SLCO3A1: variants seen among roughly 807,000 people sequenced by gnomAD.
SLCO3A1 encodes PGE1 transporter.
Under a neutral mutation model 63.1 loss-of-function variants are expected in SLCO3A1, and 27 were observed. The ratio of observed to expected loss-of-function variants is 0.43; its 90% confidence interval spans 0.32 to 0.59. The LOEUF (loss-of-function observed/expected upper bound fraction) is 0.59, where lower values mean the gene tolerates loss of function less well. Among genes scored for constraint, SLCO3A1 ranks in the 20% least tolerant of loss-of-function variants. The pLI is 0.09. For synonymous variants in SLCO3A1, 473 were observed against 409.9 expected, an observed-to-expected ratio of 1.15 and a Z score of -1.86; for missense variants, 773 against 945.8, an observed-to-expected ratio of 0.82 and a Z score of 2.40.
intron 3 of SLCO3A1, among the ~76,000 whole-genome samples, chr15:92,097,725 CGGAGGCACCG>C (rs1334821544): frequency 6.6e-6 from 1 of 151,964 alleles, no homozygotes; most frequent in Non-Finnish European, 1.5e-5. Context: ...GCGTCCTTCC[CGGAGGCACCG>C]TGAGGCACCG....
intron 2 of SLCO3A1, among the ~76,000 whole-genome samples, chr15:91,939,211 T>C (rs957244820): frequency 1.3e-5 from 2 of 152,024 alleles, no homozygotes; most frequent in South Asian, 2.1e-4. Context: ...GCACGTCAAA[T>C]GGCCAAAACA....
At chr15:92,022,204 T>C in intron 2 of SLCO3A1, among the ~76,000 whole-genome samples, 1 of 152,208 alleles carries the variant, frequency 6.6e-6, no homozygotes, top group East Asian at 1.9e-4. Flanking sequence ...ATATTTAGAG[T>C]TGCATTTTTT....
In SLCO3A1 at chr15:92,164,868, C is replaced by G; in HGVS notation, c.*1733C>G. 1 of 985,400 alleles carries G rather than the reference C, an allele frequency of 1.0e-6. No individual in the cohort carries two copies. Among genetic ancestry groups the G allele is most frequent in the East Asian group, 1.1e-4 (1 of 8,812 alleles). 61.0% of individuals were successfully genotyped at this position (985,400 alleles called of 1,614,324 possible). A position where few individuals can be genotyped will look rare whatever the true frequency, so the allele number is the denominator to read the frequency against. ...CAGAGCTTAGGTAAAGGCACACACTCATACACACACAACAAAGGGCCCTGC... is the reference window on the plus strand; with the variant it reads ...CAGAGCTTAGGTAAAGGCACACACTGATACACACACAACAAAGGGCCCTGC... On this transcript the variant is annotated 3_prime_UTR_variant, in exon 10 of 10. Transcript: ENST00000318445.
At chr15:91,962,912 A>T (rs1900503751) in intron 2 of SLCO3A1, among the ~76,000 whole-genome samples, 1 of 152,072 alleles carries the variant, frequency 6.6e-6, no homozygotes, top group South Asian at 2.1e-4. Flanking sequence ...TCCAGAGCTT[A>T]TATACTTTCT....
At position 92,107,239 on chromosome 15, in the gene SLCO3A1, G is replaced by A. The variant is rs117178697; in HGVS notation, c.1009+2697G>A. ...TCCCAGAGGCAATTGGCCCATAATG[G>A]ACTAAAAGGATGTCTCAACAGGAAA... On this transcript the variant is annotated intron_variant, in intron 4 of 9. Transcript: ENST00000318445. Among the ~76,000 whole-genome samples, 785 of 152,284 alleles carry A rather than the reference G, an allele frequency of 5.2e-3. 7 individuals carry two copies. In the Middle Eastern group the frequency reaches 0.071, roughly 14 times the overall value.
intron 2 of SLCO3A1, among the ~76,000 whole-genome samples, chr15:92,003,299 C>G (rs2046276774): frequency 6.6e-6 from 1 of 152,352 alleles, no homozygotes; most frequent in South Asian, 2.1e-4. Flanking sequence ...TGGTTGAACA[C>G]TGACTTGCTG....
chr15:92,028,338 C>T (rs1434669092), intron 2 of SLCO3A1, among the ~76,000 whole-genome samples: 1 of 152,156 alleles, frequency 6.6e-6, no homozygotes, highest in African/African-American at 2.4e-5. Flanking sequence ...CCAAAATCTG[C>T]CCCCCACCCT....
At chr15:91,868,419 G>A (rs1241437731) in intron 1 of SLCO3A1, among the ~76,000 whole-genome samples, 1 of 144,316 alleles carries the variant, frequency 6.9e-6, no homozygotes. Context: ...AGGAATATAT[G>A]TGGTGTTGAC....
rs181434594 is a variant in SLCO3A1 at position 92,042,207 on chromosome 15, T to C, written c.647-52674T>C. On this transcript the variant is annotated intron_variant, in intron 2 of 9. Transcript: ENST00000318445. ...TCCTTGAGTAAACACTTTTACTCTT[T>C]CTTTTTACTGCTACCATTTAACATT... Among the ~76,000 whole-genome samples, 445 of 152,348 alleles carry C rather than the reference T, an allele frequency of 2.9e-3. 1 individual carries two copies. The Middle Eastern group carries it at 0.065, about 22-fold the overall frequency.
intron 2 of SLCO3A1, among the ~76,000 whole-genome samples, chr15:91,965,223 C>A (rs1423682757): frequency 6.6e-6 from 1 of 152,154 alleles, no homozygotes; most frequent in Admixed American, 6.5e-5. Flanking sequence ...CATATGCAGA[C>A]CCCTCTCCCA....
intron 2 of SLCO3A1, among the ~76,000 whole-genome samples, chr15:92,069,327 A>G (rs1408589890): frequency 2.0e-5 from 3 of 152,198 alleles, no homozygotes; most frequent in Non-Finnish European, 4.4e-5. Context: ...ACCAATCCAG[A>G]TAGATACGCA....
intron 1 of SLCO3A1, among the ~76,000 whole-genome samples, chr15:91,906,481 A>G (rs1353391992): frequency 6.6e-6 from 1 of 152,224 alleles, no homozygotes; most frequent in Non-Finnish European, 1.5e-5. Flanking sequence ...TTTTCAATGC[A>G]TTTGACAGGA....
intron 2 of SLCO3A1, among the ~76,000 whole-genome samples, chr15:91,958,480 G>T (rs1248560232): frequency 1.3e-5 from 2 of 152,200 alleles, no homozygotes; most frequent in Non-Finnish European, 2.9e-5. Flanking sequence ...GTAATGCTGG[G>T]CAAGTTAACT....
At position 91,865,742 on chromosome 15, in the gene SLCO3A1, A is replaced by G. The variant is rs1045335746; in HGVS notation, c.180+11654A>G. Among the ~76,000 whole-genome samples the G allele has an allele frequency of 1.3e-5, 2 of 152,218 alleles. No homozygotes were observed. Among genetic ancestry groups the G allele is most frequent in the Non-Finnish European group, 2.9e-5 (2 of 68,044 alleles). On this transcript the variant is annotated intron_variant, in intron 1 of 9. Coordinates refer to ENST00000318445, the MANE Select transcript of SLCO3A1 (RefSeq NM_013272.4). The surrounding 1 kb of genome is among the most constrained non-coding windows in gnomAD (Gnocchi z 4.6). ...GTCACATTGGATTAGGGCTCACCCTAATGACCTCATGTGACTAGCTTACAT... is the reference window on the plus strand; with the variant it reads ...GTCACATTGGATTAGGGCTCACCCTGATGACCTCATGTGACTAGCTTACAT...
At chr15:91,966,011 A>C (rs1331541627) in intron 2 of SLCO3A1, among the ~76,000 whole-genome samples, 1 of 152,024 alleles carries the variant, frequency 6.6e-6, no homozygotes, top group African/African-American at 2.4e-5. Context: ...GAACTGGTGT[A>C]TTTCATCCCC....
chr15:91,951,680 C>T (rs1900005649), intron 2 of SLCO3A1, among the ~76,000 whole-genome samples: 1 of 151,808 alleles, frequency 6.6e-6, no homozygotes, highest in African/African-American at 2.4e-5. Flanking sequence ...CTCCGCCTCC[C>T]AAGTAGTAGG....
At chr15:91,871,764 G>GA (rs1368889555) in intron 1 of SLCO3A1, among the ~76,000 whole-genome samples, 1 of 35,330 alleles carries the variant, frequency 2.8e-5, no homozygotes, top group Non-Finnish European at 5.5e-5. Context: ...GTTTTTTTTT[G>GA]GTTTTTTTTT....
chr15:91,953,244 C>T (rs920838232), intron 2 of SLCO3A1, among the ~76,000 whole-genome samples: 6 of 152,172 alleles, frequency 3.9e-5, no homozygotes, highest in Admixed American at 6.5e-5. Flanking sequence ...TTCGCTCACT[C>T]GTTTGTTCTA....
chr15:92,126,719 G>T (rs1224977961), intron 6 of SLCO3A1, among the ~76,000 whole-genome samples: 9 of 152,168 alleles, frequency 5.9e-5, no homozygotes, highest in Admixed American at 5.9e-4. Flanking sequence ...GGGAGAAAAA[G>T]GGAGGGAGGA....
Sources: gnomAD v4.1 joint callset for allele counts (sites outside exome capture counted in the v4.1 genomes callset) on GRCh38, gnomAD v4.1.1 for gene constraint, Gnocchi (gnomAD v3.1) non-coding constraint, MANE v1.5 for transcripts, NCBI Gene and HGNC (gene_info 2026-07-23, HGNC 2026-07-21) for gene names.